The following KITLG variants were observed in gnomAD, a reference collection of about 807,000 sequenced individuals.
The protein encoded by KITLG is KIT ligand.
KITLG carries 13 observed loss-of-function variants against 34.1 expected under a neutral mutation model. That is an observed-to-expected ratio of 0.38 (90% CI 0.25 to 0.61). The LOEUF (loss-of-function observed/expected upper bound fraction) is 0.61, where lower values mean the gene tolerates loss of function less well. Among genes scored for constraint, KITLG ranks in the 20% least tolerant of loss-of-function variants. KITLG has a pLI of 0.60. For synonymous variants in KITLG, 110 were observed against 104.0 expected, an observed-to-expected ratio of 1.06 and a Z score of -0.35; for missense variants, 292 against 318.9, an observed-to-expected ratio of 0.92 and a Z score of 0.64.
At chr12:88,580,180 G>A in intron 1 of KITLG, 84 bp downstream of exon 1, 1 of 1,420,994 alleles carries the variant, frequency 7.0e-7, no homozygotes, top group Non-Finnish European at 9.7e-7. Flanking sequence ...CCAGCTGCAA[G>A]TCCCAGGGAG....
chr12:88,540,571 G>A (rs567191151), intron 2 of KITLG, among the ~76,000 whole-genome samples: 26 of 152,176 alleles, frequency 1.7e-4, no homozygotes, highest in African/African-American at 6.0e-4. Flanking sequence ...AGGCAGAGGT[G>A]GGAGGATCTC....
intron 3 of KITLG, among the ~76,000 whole-genome samples, chr12:88,525,544 C>T (rs1869834819): frequency 6.6e-6 from 1 of 151,812 alleles, no homozygotes; most frequent in South Asian, 2.1e-4. Context: ...GAGAACACAA[C>T]AACAAAATAA....
chr12:88,554,294 T>C (rs1031166696), intron 1 of KITLG, among the ~76,000 whole-genome samples: 6 of 152,192 alleles, frequency 3.9e-5, no homozygotes, highest in Admixed American at 3.3e-4. Context: ...AAAAGCCTTT[T>C]TTTCTCTATG....
chr12:88,549,123 T>G (rs1050698929), intron 1 of KITLG, among the ~76,000 whole-genome samples: 1 of 152,152 alleles, frequency 6.6e-6, no homozygotes, highest in Admixed American at 6.5e-5. Flanking sequence ...CATCTGTTAT[T>G]TAAGACATAG....
At chr12:88,577,311 T>C (rs1268242945) in intron 1 of KITLG, among the ~76,000 whole-genome samples, 1 of 152,166 alleles carries the variant, frequency 6.6e-6, no homozygotes, top group African/African-American at 2.4e-5. Flanking sequence ...AAAATGGCCT[T>C]TTTTACATTG....
chr12:88,503,172 G>C (rs1029584722), intron 9 of KITLG, among the ~76,000 whole-genome samples: 3 of 152,180 alleles, frequency 2.0e-5, no homozygotes, highest in African/African-American at 7.2e-5. Context: ...AGAGTGTGTA[G>C]AATAAAGTAT....
At chr12:88,546,761 A>G (rs1324621730) in intron 1 of KITLG, among the ~76,000 whole-genome samples, 1 of 152,172 alleles carries the variant, frequency 6.6e-6, no homozygotes, top group Non-Finnish European at 1.5e-5. Flanking sequence ...CCATTTATTG[A>G]ATATATATTA....
chr12:88,503,122 G>A (rs955085835), intron 9 of KITLG, among the ~76,000 whole-genome samples: 5 of 152,106 alleles, frequency 3.3e-5, no homozygotes, highest in African/African-American at 4.8e-5. Flanking sequence ...TTCATGCTAC[G>A]GACATGTTAA....
rs146613159 is a variant in KITLG, at chr12:88,574,217, A to T, written c.15+6047T>A. 2.0e-3 allele frequency among the ~76,000 whole-genome samples: 304 copies of T among 151,890 alleles called. 2 individuals carry two copies. Among genetic ancestry groups the T allele is most frequent in the African/African-American group, 7.0e-3 (292 of 41,422 alleles). ...GAGAAATGTGTGTTCTCCTAGCTTG[A>T]GGAGGGTCCAGCTGATCTTGGAATA... On this transcript the variant is annotated intron_variant, in intron 1 of 9. Coordinates refer to ENST00000644744, the MANE Select transcript of KITLG (RefSeq NM_000899.5).
intron 3 of KITLG, among the ~76,000 whole-genome samples, chr12:88,521,597 C>T (rs1293735588): frequency 6.6e-6 from 1 of 152,006 alleles, no homozygotes; most frequent in Non-Finnish European, 1.5e-5. Context: ...ATATAATGTT[C>T]TCTCTTTCAC....
intron 3 of KITLG, among the ~76,000 whole-genome samples, chr12:88,526,033 G>A (rs1048919473): frequency 3.3e-5 from 5 of 152,126 alleles, no homozygotes; most frequent in Non-Finnish European, 5.9e-5. Flanking sequence ...GAGAACAGGC[G>A]CATTATTTTA....
chr12:88,543,050 T>C (rs1392285410), intron 2 of KITLG, among the ~76,000 whole-genome samples: 1 of 152,166 alleles, frequency 6.6e-6, no homozygotes, highest in Non-Finnish European at 1.5e-5. Flanking sequence ...AATATAGATG[T>C]TTGGATCCCT....
At chr12:88,510,816 A>G (rs1315504752) in intron 6 of KITLG, among the ~76,000 whole-genome samples, 3 of 152,144 alleles carry the variant, frequency 2.0e-5, no homozygotes, top group African/African-American at 4.8e-5. Context: ...CCTGAAAACT[A>G]GCATGCTTTC....
In KITLG at chr12:88,580,448, T is replaced by C; in HGVS notation, c.-170A>G. The C allele has an allele frequency of 1.2e-6, 1 of 814,956 alleles. No individual in the cohort carries two copies. Among genetic ancestry groups the C allele is most frequent in the South Asian group, 1.7e-5 (1 of 60,310 alleles). 50.5% of individuals were successfully genotyped at this position (814,956 alleles called of 1,614,324 possible). A position where few individuals can be genotyped will look rare whatever the true frequency, so the allele number is the denominator to read the frequency against. On this transcript the variant is annotated 5_prime_UTR_variant, in exon 1 of 10. Coordinates refer to ENST00000644744, the MANE Select transcript of KITLG (RefSeq NM_000899.5). ...CCTGCTTCCCGCAGCGCTTCTAGTC[T>C]CGGCGCGAGGCGGCGAGCGAAGCCC...
intron 3 of KITLG, among the ~76,000 whole-genome samples, chr12:88,530,095 T>C (rs1257680651): frequency 6.6e-6 from 1 of 152,214 alleles, no homozygotes; most frequent in Non-Finnish European, 1.5e-5. Flanking sequence ...GTTTTCAGTT[T>C]AGCATTTGTT....
chr12:88,556,269 C>A (rs1871096556), intron 1 of KITLG, among the ~76,000 whole-genome samples: 1 of 149,146 alleles, frequency 6.7e-6, no homozygotes, highest in Admixed American at 6.7e-5. Flanking sequence ...GCCCTCCTTG[C>A]TAATTGATTT....
Position 88,516,479 on chromosome 12 carries a change from T to C in KITLG, c.375A>G (p.Lys125=), listed in dbSNP as rs1464017681. 3 of 1,593,132 alleles carry C rather than the reference T, an allele frequency of 1.9e-6. No homozygotes were observed. Among genetic ancestry groups the C allele is most frequent in the Non-Finnish European group, 2.6e-6 (3 of 1,168,260 alleles). ...VKENSSKDLK[K]SFKSPEPRLF... is the part of the protein sequence containing the mutation. ...GCCTGGGTTCTGGGCTCTTGAATGA[T>C]TTTTTTAGATCCTAGAAGAAAAAAT... Residue 125 remains lysine (K), a synonymous_variant, in exon 5 of 10, where the codon AAA becomes AAG. Coordinates refer to ENST00000644744, the MANE Select transcript of KITLG (RefSeq NM_000899.5).
intron 3 of KITLG, among the ~76,000 whole-genome samples, chr12:88,525,624 C>A (rs751470467): frequency 2.0e-5 from 3 of 152,050 alleles, no homozygotes; most frequent in Non-Finnish European, 2.9e-5. Context: ...TTATTTCTCA[C>A]GATAATACTT....
At chr12:88,530,717 G>A (rs1270874034) in intron 3 of KITLG, among the ~76,000 whole-genome samples, 7 of 152,048 alleles carry the variant, frequency 4.6e-5, no homozygotes, top group Non-Finnish European at 1.0e-4. Context: ...CAATAGGATA[G>A]ACATTGACAT....
Sources: gnomAD v4.1 joint callset for allele counts (sites outside exome capture counted in the v4.1 genomes callset) on GRCh38, gnomAD v4.1.1 for gene constraint, MANE v1.5 for transcripts, NCBI Gene and HGNC (gene_info 2026-07-23, HGNC 2026-07-21) for gene names.